ENSA: variants seen among roughly 807,000 people sequenced by gnomAD.
ENSA encodes the protein alpha-endosulfine.
Under a neutral mutation model 16.8 loss-of-function variants are expected in ENSA, and 7 were observed. That is an observed-to-expected ratio of 0.42 (90% CI 0.24 to 0.78). ENSA has a LOEUF of 0.78. Among genes scored for constraint, ENSA ranks in the 30% least tolerant of loss-of-function variants. The pLI is 0.29. For synonymous variants in ENSA, 58 were observed against 53.4 expected (o/e 1.09, Z -0.37); for missense variants, 87 against 142.3 (o/e 0.61, Z 1.98).
In ENSA at chr1:150,627,505, C is replaced by A; in HGVS notation, c.145G>T (p.Gly49Ter). 6.2e-7 allele frequency: 1 copy of A among 1,614,230 alleles called. No individual in the cohort carries two copies. Among genetic ancestry groups the A allele is most frequent in the Admixed American group, 1.7e-5 (1 of 60,024 alleles). Residue 49 changes from glycine (G) to a stop codon, truncating the protein, a stop_gained, in exon 2 of 4, where the codon GGA becomes TGA. Coordinates refer to ENST00000369014, the MANE Select transcript of ENSA (RefSeq NM_004436.4). LOFTEE classifies it high-confidence loss of function. The stretch of plus-strand genomic sequence containing the variant: ...CTCTTCATGAGGAAGTCGGAGCCTC[C>A]AGGCTTTTGTCCTAGGCTTGGGTAT... ...AKYPSLGQKPGGSDFLMKRLQ... is the reference protein window; with the variant it reads ...AKYPSLGQKP
In ENSA at chr1:150,625,582, G is replaced by A. The variant is rs1017605596; in HGVS notation, c.350+60C>T. On this transcript the variant is annotated intron_variant, in intron 3 of 3. Coordinates refer to ENST00000369014, the MANE Select transcript of ENSA (RefSeq NM_004436.4). ...CTGACTAGGTGCCCATTTCATCCCT[G>A]CCTATAATATATAAACGTCCAGTGG... is the stretch of plus-strand genomic sequence containing the variant. 5.3e-6 allele frequency: 8 copies of A among 1,497,944 alleles called. No individual in the cohort carries two copies. In the Admixed American group the frequency reaches 6.7e-5, roughly 13 times the overall value. 92.8% of individuals were successfully genotyped at this position (1,497,944 alleles called of 1,614,324 possible). A position where few individuals can be genotyped will look rare whatever the true frequency, so the allele number is the denominator to read the frequency against.
Position 150,629,596 on chromosome 1 carries a change from T to A in ENSA, c.-126A>T. 2 of 1,229,444 alleles carry A rather than the reference T, an allele frequency of 1.6e-6. No homozygotes were observed. The highest frequency in any genetic ancestry group is 4.8e-5 in the Admixed American group (2 of 41,852). The allele number at this position is 1,229,444 out of a possible 1,614,324, so 76.2% of individuals were successfully genotyped here. On this transcript the variant is annotated 5_prime_UTR_variant, in exon 1 of 4. Transcript: ENST00000369014. Reference sequence around the variant, plus strand: ...TGTCACTAGGGTTGCTCAGTCAAAATGGCGGCCCTTGCCCGTGACGTTGCG... The same window carrying A: ...TGTCACTAGGGTTGCTCAGTCAAAAAGGCGGCCCTTGCCCGTGACGTTGCG...
rs1458890974 is a variant in ENSA at position 150,622,791 on chromosome 1, G to A, written c.*53C>T. 9.0e-6 allele frequency: 14 copies of A among 1,548,340 alleles called. No homozygotes were observed. In the East Asian group the frequency reaches 9.7e-5, roughly 11 times the overall value. On this transcript the variant is annotated 3_prime_UTR_variant, in exon 4 of 4. Coordinates refer to ENST00000369014, the MANE Select transcript of ENSA (RefSeq NM_004436.4). ...AGGGGCAGGAGCCAGCACAGGACCC[G>A]GGTGGGGCAGGGAGGGGAAGCGTCT...
At chr1:150,626,955 G>A in intron 2 of ENSA, 1 of 738,242 alleles carries the variant, frequency 1.4e-6, no homozygotes, top group Non-Finnish European at 1.7e-6. Flanking sequence ...CTCTCTCTTG[G>A]TAAGGAGGAC....
At chr1:150,622,897 A>C in intron 3 of ENSA, 38 bp from the exon 4 acceptor site, 1 of 1,538,166 alleles carries the variant, frequency 6.5e-7, no homozygotes. Flanking sequence ...AAAAAACAAC[A>C]CTGTCAAGTA....
chr1:150,625,954 GT>G, intron 2 of ENSA, 146 bp from the exon 3 acceptor site: 1 of 1,332,582 alleles, frequency 7.5e-7, no homozygotes. Flanking sequence ...TGCATACACA[GT>G]TTAACATTAA....
chr1:150,625,499 C>T (rs1649237813), intron 3 of ENSA, 143 bp downstream of exon 3: 2 of 1,375,406 alleles, frequency 1.5e-6, no homozygotes, highest in Non-Finnish European at 1.9e-6. Context: ...ACCTACATTA[C>T]CTTCTCAGCA....
chr1:150,627,657 A>G, intron 1 of ENSA, 65 bp from the exon 2 acceptor site: 4 of 1,524,614 alleles, frequency 2.6e-6, no homozygotes, highest in South Asian at 2.5e-5. Flanking sequence ...CACATCTGAT[A>G]ACAACTATAC....
intron 2 of ENSA, chr1:150,627,232 C>T (rs1649395682): frequency 6.6e-7 from 1 of 1,511,324 alleles, no homozygotes; most frequent in Admixed American, 2.3e-5. Flanking sequence ...CATTTCCCCA[C>T]ACACCCAAAT....
rs191252530 is a variant in ENSA at position 150,622,813 on chromosome 1, G to C, written c.*31C>G. 1 of 1,555,984 alleles carries C rather than the reference G, an allele frequency of 6.4e-7. No homozygotes were observed. The highest frequency in any genetic ancestry group is 8.7e-7 in the Non-Finnish European group (1 of 1,150,156). ...CCCGGGTGGGGCAGGGAGGGGAAGC[G>C]TCTCAGGATCTGGCAGAGCCCCGGG... On this transcript the variant is annotated 3_prime_UTR_variant, in exon 4 of 4. Transcript: ENST00000369014.
chr1:150,629,555 C>T lies in ENSA; in HGVS notation c.-85G>A. On this transcript the variant is annotated 5_prime_UTR_variant, in exon 1 of 4. Transcript: ENST00000369014. ...GGAGGGGAAACGGGGACAACCTGCG[C>T]TGCTGCTTCGGCTCCTGTCACTAGG... 6.5e-7 allele frequency: 1 copy of T among 1,529,552 alleles called. No homozygotes were observed. Among genetic ancestry groups the T allele is most frequent in the Non-Finnish European group, 8.9e-7 (1 of 1,126,644 alleles). The allele number at this position is 1,529,552 out of a possible 1,614,324, so 94.7% of individuals were successfully genotyped here. A position where few individuals can be genotyped will look rare whatever the true frequency, so the allele number is the denominator to read the frequency against.
In ENSA at chr1:150,629,591, C is replaced by G. The variant is rs1649601479; in HGVS notation, c.-121G>C. On this transcript the variant is annotated 5_prime_UTR_variant, in exon 1 of 4. Transcript: ENST00000369014. ...GCTCCTGTCACTAGGGTTGCTCAGT[C>G]AAAATGGCGGCCCTTGCCCGTGACG... The G allele has an allele frequency of 1.5e-6, 2 of 1,296,576 alleles. No homozygotes were observed. Among genetic ancestry groups the G allele is most frequent in the Middle Eastern group, 2.8e-4 (1 of 3,574 alleles). The allele number at this position is 1,296,576 out of a possible 1,614,324, so 80.3% of individuals were successfully genotyped here. A position where few individuals can be genotyped will look rare whatever the true frequency, so the allele number is the denominator to read the frequency against.
intron 1 of ENSA, chr1:150,629,210 G>T: frequency 6.3e-7 from 1 of 1,585,910 alleles, no homozygotes; most frequent in Non-Finnish European, 8.6e-7. Context: ...GGCCAATCAG[G>T]AAGAGTACAG....
chr1:150,623,000 C>G (rs1649065131), intron 3 of ENSA, 141 bp from the exon 4 acceptor site: 2 of 1,192,164 alleles, frequency 1.7e-6, no homozygotes, highest in Non-Finnish European at 2.3e-6. Context: ...TGTCTCAATC[C>G]TATCCATAAG....
chr1:150,627,246 C>G, intron 2 of ENSA: 8 of 1,523,130 alleles, frequency 5.3e-6, no homozygotes, highest in Non-Finnish European at 7.0e-6. Flanking sequence ...CCCAAATGCT[C>G]CAATTTAGGC....
At chr1:150,624,386 C>A (rs1220549437) in intron 3 of ENSA, 2 of 985,818 alleles carry the variant, frequency 2.0e-6, no homozygotes, top group African/African-American at 3.5e-5. Flanking sequence ...CCTTCTTCCT[C>A]TTTCCCTAAC....
In ENSA at chr1:150,624,028, G is replaced by A. The variant is rs957665597; in HGVS notation, c.351-1169C>T. On this transcript the variant is annotated intron_variant, in intron 3 of 3. Transcript: ENST00000369014. Reference sequence around the variant, plus strand: ...CAGAATTTGTGATGTGAGAGGGCAAGAGGATTACAGAATCTTGCTCTCTTG... The same window carrying A: ...CAGAATTTGTGATGTGAGAGGGCAAAAGGATTACAGAATCTTGCTCTCTTG... 3.0e-6 allele frequency: 3 copies of A among 985,306 alleles called. No individual in the cohort carries two copies. The African/African-American group carries it at 5.2e-5, about 17-fold the overall frequency. The allele number at this position is 985,306 out of a possible 1,614,324, so 61.0% of individuals were successfully genotyped here. A position where few individuals can be genotyped will look rare whatever the true frequency, so the allele number is the denominator to read the frequency against.
At chr1:150,623,828 G>T (rs1649122655) in intron 3 of ENSA, 1 of 985,616 alleles carries the variant, frequency 1.0e-6, no homozygotes, top group Non-Finnish European at 1.2e-6. Flanking sequence ...GGACCAGGGA[G>T]TCCAGGGATC....
chr1:150,628,381 T>C (rs1186233676), intron 1 of ENSA, among the ~76,000 whole-genome samples: 1 of 152,142 alleles, frequency 6.6e-6, no homozygotes, highest in African/African-American at 2.4e-5. Flanking sequence ...TGATACTGTT[T>C]TTAACCTCAG....
Sources: allele counts gnomAD v4.1 joint callset (sites outside exome capture counted in the v4.1 genomes callset), GRCh38; gene constraint gnomAD v4.1.1; transcripts MANE v1.5; gene names NCBI Gene and HGNC (gene_info 2026-07-23, HGNC 2026-07-21).